The following DCLK1 variants were observed in gnomAD, a reference collection of about 807,000 sequenced individuals.
The protein encoded by DCLK1 is serine/threonine-protein kinase DCLK1.
Under a neutral mutation model 86.2 loss-of-function variants are expected in DCLK1, and 16 were observed. That is an observed-to-expected ratio of 0.19 (90% CI 0.13 to 0.28). The LOEUF (loss-of-function observed/expected upper bound fraction) is 0.28, where lower values mean the gene tolerates loss of function less well. Among genes scored for constraint, DCLK1 ranks in the 10% least tolerant of loss-of-function variants. The pLI, the probability that DCLK1 is intolerant of heterozygous loss-of-function variation, is 1.00. For synonymous variants in DCLK1, 369 were observed against 370.5 expected, an observed-to-expected ratio of 1.00 and a Z score of 0.05; for missense variants, 590 against 940.2, an observed-to-expected ratio of 0.63 and a Z score of 4.87.
intron 3 of DCLK1, among the ~76,000 whole-genome samples, chr13:36,084,065 C>G (rs1884511651): frequency 6.6e-6 from 1 of 152,136 alleles, no homozygotes; most frequent in African/African-American, 2.4e-5. Context: ...TGTCCCTTGG[C>G]TATTAAAAAT....
chr13:35,786,085 C>T (rs1481425114), intron 16 of DCLK1, among the ~76,000 whole-genome samples: 1 of 152,190 alleles, frequency 6.6e-6, no homozygotes, highest in Non-Finnish European at 1.5e-5. Flanking sequence ...CCCATCTGCT[C>T]CTGCCCATTA....
intron 4 of DCLK1, among the ~76,000 whole-genome samples, chr13:35,899,624 A>T (rs999007877): frequency 2.0e-5 from 3 of 152,194 alleles, no homozygotes; most frequent in African/African-American, 7.2e-5. Flanking sequence ...GTAAATCATT[A>T]AAAAAGTGTT....
intron 8 of DCLK1, among the ~76,000 whole-genome samples, chr13:35,829,818 G>T (rs991728130): frequency 6.6e-6 from 1 of 152,198 alleles, no homozygotes; most frequent in Non-Finnish European, 1.5e-5. Context: ...CCCTCCTGCA[G>T]ATATGCGGCT....
chr13:35,905,602 C>T (rs912310840), intron 4 of DCLK1, among the ~76,000 whole-genome samples: 1 of 152,218 alleles, frequency 6.6e-6, no homozygotes, highest in African/African-American at 2.4e-5. Flanking sequence ...CCGAGGGCCA[C>T]CTCTGAATTT....
chr13:35,911,107 C>A (rs1435931690), intron 4 of DCLK1, among the ~76,000 whole-genome samples: 4 of 141,106 alleles, frequency 2.8e-5, no homozygotes, highest in African/African-American at 1.0e-4. Context: ...CACGGTGAAA[C>A]CCCATCTCTA....
chr13:35,946,818 C>A (rs540213491), intron 4 of DCLK1, among the ~76,000 whole-genome samples: 1 of 152,244 alleles, frequency 6.6e-6, no homozygotes, highest in African/African-American at 2.4e-5. Flanking sequence ...ATAACCATCC[C>A]CTCTTTATCT....
At chr13:35,911,219 C>T (rs1473191471) in intron 4 of DCLK1, among the ~76,000 whole-genome samples, 8 of 151,254 alleles carry the variant, frequency 5.3e-5, no homozygotes, top group South Asian at 2.1e-4. Context: ...GCGTGAACCC[C>T]GGAGGCAGAG....
At chr13:35,952,895 G>GA in intron 3 of DCLK1, among the ~76,000 whole-genome samples, 1 of 152,278 alleles carries the variant, frequency 6.6e-6, no homozygotes, top group East Asian at 1.9e-4. Context: ...GATGTGCTGG[G>GA]AAAAGTCCTT....
intron 3 of DCLK1, among the ~76,000 whole-genome samples, chr13:36,020,748 A>G (rs1240808739): frequency 6.6e-6 from 1 of 152,098 alleles, no homozygotes; most frequent in Non-Finnish European, 1.5e-5. Context: ...AAAAAAAACT[A>G]TCAACTAAAT....
At chr13:35,964,223 G>T (rs1428516991) in intron 3 of DCLK1, among the ~76,000 whole-genome samples, 3 of 152,152 alleles carry the variant, frequency 2.0e-5, no homozygotes, top group Non-Finnish European at 4.4e-5. Flanking sequence ...AGATAAGGGG[G>T]TGTATAAAAT....
chr13:35,848,769 C>A (rs915092442), intron 6 of DCLK1: 4 of 985,206 alleles, frequency 4.1e-6, no homozygotes, highest in African/African-American at 1.7e-5. Context: ...AACTGTTCCA[C>A]TGCTTTCTTT....
At chr13:36,130,849 A>T (rs1886339138) in intron 1 of DCLK1, among the ~76,000 whole-genome samples, 1 of 152,076 alleles carries the variant, frequency 6.6e-6, no homozygotes, top group Non-Finnish European at 1.5e-5. Flanking sequence ...CGCTCGCCTG[A>T]CTCCAGGTTT....
At chr13:35,849,519 T>C in intron 6 of DCLK1, 1 of 981,054 alleles carries the variant, frequency 1.0e-6, no homozygotes, top group Non-Finnish European at 1.2e-6. Context: ...AGGATATGGC[T>C]TAAATACAAT....
At chr13:35,998,682 T>C (rs917896968) in intron 3 of DCLK1, among the ~76,000 whole-genome samples, 26 of 152,176 alleles carry the variant, frequency 1.7e-4, no homozygotes, top group African/African-American at 5.5e-4. Flanking sequence ...TTTCAATAAA[T>C]ATTTGTCAAA....
chr13:36,092,266 T>G (rs2138139679), intron 3 of DCLK1, among the ~76,000 whole-genome samples: 1 of 152,192 alleles, frequency 6.6e-6, no homozygotes, highest in East Asian at 1.9e-4. Context: ...AATCTCAGTT[T>G]CCTCATCTGT....
chr13:35,796,099 GTAT>G lies in DCLK1; in HGVS notation c.1945-2623_1945-2621del, dbSNP rs1295256711. 2.0e-5 allele frequency among the ~76,000 whole-genome samples: 3 copies of G among 152,222 alleles called. No homozygotes were observed. The East Asian group carries it at 5.8e-4, about 29-fold the overall frequency. On this transcript the variant is annotated intron_variant, in intron 15 of 16. Transcript: ENST00000360631. ...GATACTGAAAGTCTTCTGAATATTA[GTAT>G]CATGTCTTGGCAGAGTGTCGGGTTC...
intron 4 of DCLK1, among the ~76,000 whole-genome samples, chr13:35,912,670 AGTATCTGT>A (rs1875114376): frequency 6.6e-6 from 1 of 152,112 alleles, no homozygotes; most frequent in Admixed American, 6.5e-5. Flanking sequence ...CCATCCTTCA[AGTATCTGT>A]GTAACTAATT....
At chr13:36,072,459 T>C (rs764148498) in intron 3 of DCLK1, among the ~76,000 whole-genome samples, 1 of 152,230 alleles carries the variant, frequency 6.6e-6, no homozygotes, top group Non-Finnish European at 1.5e-5. Flanking sequence ...TCCGGTTTTA[T>C]TGCTTTAAAT....
intron 5 of DCLK1, among the ~76,000 whole-genome samples, chr13:35,856,443 C>T (rs1438945254): frequency 6.6e-6 from 1 of 152,178 alleles, no homozygotes; most frequent in African/African-American, 2.4e-5. Context: ...TCTTTACCCA[C>T]CCGCATTCTA....
Sources: gnomAD v4.1 joint callset for allele counts (sites outside exome capture counted in the v4.1 genomes callset) on GRCh38, gnomAD v4.1.1 for gene constraint, MANE v1.5 for transcripts, NCBI Gene and HGNC (gene_info 2026-07-23, HGNC 2026-07-21) for gene names.